ZNF385D: variants seen among roughly 807,000 people sequenced by gnomAD.
The protein encoded by ZNF385D is zinc finger protein 659.
ZNF385D carries 15 observed loss-of-function variants against 35.8 expected under a neutral mutation model. The observed-to-expected ratio is 0.42, with a 90% CI of 0.28 to 0.64. The LOEUF is 0.64. ZNF385D is among the 30% of genes least tolerant of loss of function. ZNF385D has a pLI of 0.23. For missense variants in ZNF385D, 474 were observed against 494.6 expected (o/e 0.96, Z 0.39); for synonymous variants, 212 against 186.8 (o/e 1.13, Z -1.10).
At chr3:22,093,246 T>G (rs1198588186) in intron 3 of ZNF385D, among the ~76,000 whole-genome samples, 3 of 152,040 alleles carry the variant, frequency 2.0e-5, no homozygotes, top group African/African-American at 7.2e-5. Flanking sequence ...AAAACATTTT[T>G]TAGAAAAAAG....
chr3:21,460,689 T>C (rs1321919545), intron 4 of ZNF385D, among the ~76,000 whole-genome samples: 2 of 146,022 alleles, frequency 1.4e-5, no homozygotes, highest in Non-Finnish European at 2.9e-5. Context: ...CACTACAATT[T>C]TTTTTAAGGA....
At chr3:21,843,640 T>C (rs1213135313) in intron 3 of ZNF385D, among the ~76,000 whole-genome samples, 6 of 151,828 alleles carry the variant, frequency 4.0e-5, no homozygotes, top group Non-Finnish European at 8.8e-5. Context: ...CAAAAATGAA[T>C]AGAACCAAGC....
intron 2 of ZNF385D, among the ~76,000 whole-genome samples, chr3:22,307,847 A>G (rs978804010): frequency 3.3e-5 from 5 of 152,126 alleles, no homozygotes; most frequent in African/African-American, 1.2e-4. Context: ...GAAACACTGC[A>G]TATCTTCAGA....
chr3:21,617,509 T>TA lies in ZNF385D; in HGVS notation c.165+47376dup, dbSNP rs2064881607. Reference sequence around the variant, plus strand: ...GTGGTCCAGATAATCCCCAATGCTTTATGTATGTTAGTTCACTTCATCCTC... The same window carrying TA: ...GTGGTCCAGATAATCCCCAATGCTTTAATGTATGTTAGTTCACTTCATCCTC... On this transcript the variant is annotated intron_variant, in intron 2 of 7. Transcript: ENST00000281523. Among the ~76,000 whole-genome samples the TA allele has an allele frequency of 2.6e-5, 4 of 152,220 alleles. No individual in the cohort carries two copies. In the South Asian group the frequency reaches 8.3e-4, roughly 32 times the overall value.
intron 1 of ZNF385D, among the ~76,000 whole-genome samples, chr3:21,684,994 A>G (rs934761959): frequency 2.0e-5 from 3 of 152,200 alleles, no homozygotes; most frequent in African/African-American, 7.2e-5. Context: ...AGCAGTTAGC[A>G]AGGAAACCAA....
intron 2 of ZNF385D, among the ~76,000 whole-genome samples, chr3:22,311,837 C>G (rs960056540): frequency 2.0e-5 from 3 of 152,064 alleles, no homozygotes; most frequent in Non-Finnish European, 2.9e-5. Context: ...CTCTGTCAAG[C>G]CATGAAATCA....
At chr3:22,241,443 C>T (rs1699488303) in intron 2 of ZNF385D, among the ~76,000 whole-genome samples, 1 of 151,246 alleles carries the variant, frequency 6.6e-6, no homozygotes, top group South Asian at 2.2e-4. Context: ...TGTTTCTCGT[C>T]TGAATCACTA....
chr3:22,220,426 AT>A (rs11342862), intron 2 of ZNF385D, among the ~76,000 whole-genome samples: 26,740 of 152,032 alleles, frequency 0.18, 2,526 homozygotes, highest in African/African-American at 0.2. Flanking sequence ...CATAGCAACA[AT>A]TACAAAGTAA....
At chr3:21,636,678 G>T (rs2065460787) in intron 2 of ZNF385D, among the ~76,000 whole-genome samples, 2 of 151,518 alleles carry the variant, frequency 1.3e-5, no homozygotes, top group South Asian at 4.2e-4. Flanking sequence ...ATTAAGGGTG[G>T]ATCTGCCTTT....
Position 21,424,376 on chromosome 3 carries a change from G to A in ZNF385D, c.853-312C>T, listed in dbSNP as rs377003031. On this transcript the variant is annotated intron_variant, in intron 6 of 7. Coordinates refer to ENST00000281523, the MANE Select transcript of ZNF385D (RefSeq NM_024697.3). ...GCTACCCAGGTTGAAGTGCAGTGGC[G>A]CCATCTCAGCTAAGTGCAACCTCTG... Among the ~76,000 whole-genome samples, 270 of 99,292 alleles carry A rather than the reference G, an allele frequency of 2.7e-3. 1 individual carries two copies. The highest frequency in any genetic ancestry group is 4.9e-3 in the Non-Finnish European group (224 of 45,744). 65.1% of individuals were successfully genotyped at this position (99,292 alleles called of 152,430 possible). A position where few individuals can be genotyped will look rare whatever the true frequency, so the allele number is the denominator to read the frequency against.
intron 3 of ZNF385D, among the ~76,000 whole-genome samples, chr3:21,873,882 C>T (rs1324214141): frequency 2.0e-5 from 3 of 151,974 alleles, no homozygotes; most frequent in African/African-American, 4.8e-5. Flanking sequence ...CTATTTTTCT[C>T]TCCATGAATG....
intron 3 of ZNF385D, among the ~76,000 whole-genome samples, chr3:21,799,052 C>T (rs150016571): frequency 2.6e-5 from 4 of 152,264 alleles, no homozygotes; most frequent in African/African-American, 7.2e-5. Flanking sequence ...CGGAACTATA[C>T]AGTACGTGAC....
At chr3:21,533,722 T>C (rs2061976210) in intron 3 of ZNF385D, among the ~76,000 whole-genome samples, 1 of 152,118 alleles carries the variant, frequency 6.6e-6, no homozygotes, top group African/African-American at 2.4e-5. Context: ...AATCATAAAT[T>C]GCTCCTAGAA....
chr3:21,798,112 A>C (rs2072235571), intron 3 of ZNF385D, among the ~76,000 whole-genome samples: 1 of 152,190 alleles, frequency 6.6e-6, no homozygotes, highest in Admixed American at 6.5e-5. Flanking sequence ...AATGGGGAAG[A>C]CTATGCGTTA....
intron 2 of ZNF385D, among the ~76,000 whole-genome samples, chr3:22,312,401 A>G (rs535973286): frequency 6.6e-6 from 1 of 152,326 alleles, no homozygotes; most frequent in Non-Finnish European, 1.5e-5. Context: ...AGATGTAGAT[A>G]TAACATTTTT....
intron 2 of ZNF385D, among the ~76,000 whole-genome samples, chr3:21,572,696 G>C (rs2063370357): frequency 6.6e-6 from 1 of 152,124 alleles, no homozygotes; most frequent in Non-Finnish European, 1.5e-5. Flanking sequence ...TGTCAGCTCT[G>C]ACCCTTATGA....
intron 3 of ZNF385D, among the ~76,000 whole-genome samples, chr3:22,117,832 A>T (rs1243012977): frequency 6.6e-6 from 1 of 152,056 alleles, no homozygotes; most frequent in Non-Finnish European, 1.5e-5. Context: ...CAAAGGTAGA[A>T]ATCTTTTTAT....
intron 4 of ZNF385D, among the ~76,000 whole-genome samples, chr3:21,462,006 TA>T (rs547745453): frequency 5.8e-4 from 89 of 152,358 alleles, no homozygotes; most frequent in African/African-American, 2.0e-3. Flanking sequence ...AGTTGCCTAA[TA>T]AAAATTTTAT....
chr3:22,293,823 G>A (rs962053583), intron 2 of ZNF385D, among the ~76,000 whole-genome samples: 3 of 152,222 alleles, frequency 2.0e-5, no homozygotes, highest in African/African-American at 7.2e-5. Context: ...AGTATCCCTG[G>A]AGGTGAGGCC....
Sources: allele counts gnomAD v4.1 joint callset (sites outside exome capture counted in the v4.1 genomes callset), GRCh38; gene constraint gnomAD v4.1.1; transcripts MANE v1.5; gene names NCBI Gene and HGNC (gene_info 2026-07-23, HGNC 2026-07-21).